The following SIM2 variants were observed in gnomAD, a reference collection of about 807,000 sequenced individuals.
The protein encoded by SIM2 is SIM bHLH transcription factor 2.
In SIM2, 28 loss-of-function variants were observed where a neutral mutation model predicts 64.8. The observed-to-expected ratio is 0.43, with a 90% CI of 0.32 to 0.59. The LOEUF is 0.59. Ranked by LOEUF, SIM2 falls within the 20% of genes least tolerant of loss-of-function variation. The pLI, the probability that SIM2 is intolerant of heterozygous loss-of-function variation, is 0.07. For synonymous variants in SIM2, 408 were observed against 391.1 expected (o/e 1.04, Z -0.51); for missense variants, 847 against 871.4 (o/e 0.97, Z 0.35).
At chr21:36,733,232 T>C (rs1467974956) in intron 7 of SIM2, among the ~76,000 whole-genome samples, 4 of 151,718 alleles carry the variant, frequency 2.6e-5, no homozygotes, top group Non-Finnish European at 5.9e-5. Context: ...AAAAATCTCT[T>C]TTTTTTTAAT....
At chr21:36,710,795 A>G (rs2088664361) in intron 2 of SIM2, among the ~76,000 whole-genome samples, 1 of 152,214 alleles carries the variant, frequency 6.6e-6, no homozygotes, top group Non-Finnish European at 1.5e-5. Flanking sequence ...TTTACAACAT[A>G]AAGCGCATGG....
At position 36,747,732 on chromosome 21, in the gene SIM2, C is replaced by G. The variant is rs1313078251; in HGVS notation, c.1644C>G (p.His548Gln). The change falls in exon 11 of 11, where the codon CAC (histidine) becomes CAG (glutamine). Residue 548 changes from histidine (H) to glutamine (Q), a missense_variant. His to Gln is a conservative substitution (Grantham distance 24, BLOSUM62 0). Coordinates refer to ENST00000290399, the MANE Select transcript of SIM2 (RefSeq NM_005069.6). This position sits in a 1 kb window ranked among gnomAD's most constrained non-coding sequence, Gnocchi z 4.5. Reference sequence around the variant, plus strand: ...CCCCGAGCTTCCCGAGCTGCGGCCACTACCGCGAGGAGCCCGCGCTGGGCC... The same window carrying G: ...CCCCGAGCTTCCCGAGCTGCGGCCAGTACCGCGAGGAGCCCGCGCTGGGCC... ...TAPPSFPSCG[H>Q]YREEPALGPA... The G allele has an allele frequency of 3.2e-6, 4 of 1,253,930 alleles. No individual in the cohort carries two copies. Among genetic ancestry groups the G allele is most frequent in the African/African-American group, 3.1e-5 (2 of 63,612 alleles). The allele number at this position is 1,253,930 out of a possible 1,614,324, so 77.7% of individuals were successfully genotyped here. A position where few individuals can be genotyped will look rare whatever the true frequency, so the allele number is the denominator to read the frequency against.
At chr21:36,722,622 G>A (rs1040099053) in intron 4 of SIM2, among the ~76,000 whole-genome samples, 5 of 151,106 alleles carry the variant, frequency 3.3e-5, no homozygotes, top group South Asian at 4.2e-4. Flanking sequence ...AGACAGAGAC[G>A]GGGTGGTCCT....
rs1201417135 is a variant in SIM2, at chr21:36,747,353, A to T, written c.1577-312A>T. ...TCTGCATCTCAGGACCAAAAAAAAA[A>T]AAAAGAAAATATCCCAATAATTGTT... On this transcript the variant is annotated intron_variant, in intron 10 of 10. Coordinates refer to ENST00000290399, the MANE Select transcript of SIM2 (RefSeq NM_005069.6). This position sits in a 1 kb window ranked among gnomAD's most constrained non-coding sequence, Gnocchi z 4.5. 6.6e-6 allele frequency among the ~76,000 whole-genome samples: 1 copy of T among 152,204 alleles called. No homozygotes were observed. Among genetic ancestry groups the T allele is most frequent in the African/African-American group, 2.4e-5 (1 of 41,464 alleles).
intron 10 of SIM2, among the ~76,000 whole-genome samples, chr21:36,746,689 T>G (rs1005689905): frequency 1.3e-5 from 2 of 152,192 alleles, no homozygotes; most frequent in Non-Finnish European, 2.9e-5. Context: ...TCCCTTAGAT[T>G]TGCATCTGCC....
At chr21:36,709,140 T>C in intron 1 of SIM2, 28 bp from the exon 2 acceptor site, 1 of 1,593,494 alleles carries the variant, frequency 6.3e-7, no homozygotes, top group East Asian at 2.3e-5. Context: ...CGCTGCAGTT[T>C]ACCGATTTGC....
At chr21:36,706,115 C>G (rs80280914) in intron 1 of SIM2, among the ~76,000 whole-genome samples, 7,046 of 152,288 alleles carry the variant, frequency 0.046, 193 homozygotes, top group African/African-American at 0.081. Context: ...TCTGGAGTTA[C>G]CCCCAGGACC....
At chr21:36,714,268 CACAA>C (rs1191851024) in intron 3 of SIM2, among the ~76,000 whole-genome samples, 2 of 152,262 alleles carry the variant, frequency 1.3e-5, no homozygotes, top group East Asian at 3.9e-4. Context: ...ACAGTAATGT[CACAA>C]ACACAACAAA....
intron 3 of SIM2, among the ~76,000 whole-genome samples, chr21:36,719,279 C>A (rs982453045): frequency 6.6e-6 from 1 of 152,270 alleles, no homozygotes; most frequent in African/African-American, 2.4e-5. Flanking sequence ...TCAGAGTCGA[C>A]GAAGAAAGGG....
chr21:36,726,102 G>T lies in SIM2; in HGVS notation c.544-17G>T. On this transcript the variant is annotated splice_polypyrimidine_tract_variant and intron_variant, in intron 5 of 10. Transcript: ENST00000290399. The surrounding 1 kb of genome is among the most constrained non-coding windows in gnomAD (Gnocchi z 4.5). ...ACCCCAGTGGCCAGTGGCTGACCCT[G>T]CCCTCTCCACTCCCAGGTCATCCAC... The T allele has an allele frequency of 1.2e-6, 2 of 1,609,588 alleles. 1 individual carries two copies. Among genetic ancestry groups the T allele is most frequent in the South Asian group, 2.2e-5 (2 of 91,012 alleles).
At chr21:36,707,704 C>T (rs963960233) in intron 1 of SIM2, among the ~76,000 whole-genome samples, 5 of 151,990 alleles carry the variant, frequency 3.3e-5, no homozygotes, top group Non-Finnish European at 7.4e-5. Flanking sequence ...CTCCAGAGAC[C>T]GCGATGCCCA....
intron 8 of SIM2, among the ~76,000 whole-genome samples, chr21:36,742,686 G>T (rs1007978801): frequency 6.6e-6 from 1 of 152,154 alleles, no homozygotes; most frequent in Non-Finnish European, 1.5e-5. Context: ...TTGCCATGCC[G>T]CCAGCCCCAT....
chr21:36,742,881 T>G (rs1453303089), intron 8 of SIM2, among the ~76,000 whole-genome samples: 1 of 152,158 alleles, frequency 6.6e-6, no homozygotes, highest in East Asian at 1.9e-4. Context: ...CGACCTCTCC[T>G]TGTGTGAACA....
intron 1 of SIM2, among the ~76,000 whole-genome samples, chr21:36,700,504 T>C (rs980596116): frequency 4.6e-5 from 7 of 152,128 alleles, no homozygotes; most frequent in Non-Finnish European, 8.8e-5. Context: ...CCCCATCCCT[T>C]CCTTTCTTTA....
In SIM2 at chr21:36,742,608, G is replaced by A. The variant is rs543471213; in HGVS notation, c.998+744G>A. Among the ~76,000 whole-genome samples the A allele has an allele frequency of 3.9e-5, 6 of 152,086 alleles. No individual in the cohort carries two copies. The East Asian group carries it at 1.2e-3, about 30-fold the overall frequency. On this transcript the variant is annotated intron_variant, in intron 8 of 10. Transcript: ENST00000290399. ...AGCAATAGGACAGATGTCTATCTGGGGCCATATATTACTTTCCACCCACCA... is the reference window on the plus strand; with the variant it reads ...AGCAATAGGACAGATGTCTATCTGGAGCCATATATTACTTTCCACCCACCA...
At chr21:36,727,455 C>A (rs2088906922) in intron 6 of SIM2, among the ~76,000 whole-genome samples, 1 of 152,220 alleles carries the variant, frequency 6.6e-6, no homozygotes, top group African/African-American at 2.4e-5. Flanking sequence ...AACCATCAAA[C>A]CCCTCCCAAG....
chr21:36,732,519 C>T (rs1298867289), intron 7 of SIM2, among the ~76,000 whole-genome samples: 2 of 152,206 alleles, frequency 1.3e-5, no homozygotes, highest in African/African-American at 4.8e-5. Flanking sequence ...CCCAGGGTGT[C>T]GCTGTTGCTC....
chr21:36,719,946 G>GA lies in SIM2; in HGVS notation c.457+28dup, dbSNP rs145363163. The GA allele has an allele frequency of 0.065, 73,039 of 1,130,334 alleles. 583 individuals are homozygous for GA. Among genetic ancestry groups the GA allele is most frequent in the African/African-American group, 0.17 (10,491 of 61,904 alleles). The allele number at this position is 1,130,334 out of a possible 1,614,324, so 70.0% of individuals were successfully genotyped here. Reference sequence around the variant, plus strand: ...TGCTCCAAGGTATTCCATCCAGAGGGAAAAAAAAAAACAGACTAAAAGCAA... The same window carrying GA: ...TGCTCCAAGGTATTCCATCCAGAGGGAAAAAAAAAAAACAGACTAAAAGCAA... On this transcript the variant is annotated intron_variant, in intron 4 of 10. Transcript: ENST00000290399.
intron 7 of SIM2, 22 bp downstream of exon 7, chr21:36,731,173 G>A (rs748647360): frequency 6.3e-7 from 1 of 1,588,224 alleles, no homozygotes; most frequent in Admixed American, 1.7e-5. Flanking sequence ...GCCCACCCCA[G>A]CCACGGGAGG....
Sources: allele counts gnomAD v4.1 joint callset (sites outside exome capture counted in the v4.1 genomes callset), GRCh38; gene constraint gnomAD v4.1.1; non-coding constraint Gnocchi (gnomAD v3.1); transcripts MANE v1.5; gene names NCBI Gene and HGNC (gene_info 2026-07-23, HGNC 2026-07-21).